Variants in TTC28 observed in about 807,000 individuals in gnomAD.
TTC28 encodes tetratricopeptide repeat domain 28.
Under a neutral mutation model 198.0 loss-of-function variants are expected in TTC28, and 61 were observed. That is an observed-to-expected ratio of 0.31 (90% CI 0.25 to 0.38). The LOEUF is 0.38. Ranked by LOEUF, TTC28 falls within the 10% of genes least tolerant of loss-of-function variation. The probability of loss-of-function intolerance (pLI) is 1.00; values close to 1 mark genes in which losing one functional copy is unlikely to be tolerated. For missense variants in TTC28, 2,678 were observed against 3,164.0 expected, an observed-to-expected ratio of 0.85 and a Z score of 3.69; for synonymous variants, 1,171 against 1,297.8, an observed-to-expected ratio of 0.90 and a Z score of 2.10.
chr22:28,427,206 T>A (rs1251252042), intron 2 of TTC28, among the ~76,000 whole-genome samples: 1 of 152,240 alleles, frequency 6.6e-6, no homozygotes, highest in Non-Finnish European at 1.5e-5. Flanking sequence ...TATGTCACAT[T>A]TTAGTAACAT....
intron 2 of TTC28, among the ~76,000 whole-genome samples, chr22:28,592,862 C>A (rs1264408127): frequency 6.6e-6 from 1 of 152,156 alleles, no homozygotes; most frequent in Admixed American, 6.6e-5. Context: ...TAGGACACAG[C>A]AATTTTTCCA....
At chr22:28,020,637 T>G (rs1049491903) in intron 13 of TTC28, among the ~76,000 whole-genome samples, 1 of 152,186 alleles carries the variant, frequency 6.6e-6, no homozygotes, top group African/African-American at 2.4e-5. Flanking sequence ...CACACTCCTT[T>G]GGGCAGTCTG....
At chr22:28,320,061 C>G (rs2045420302) in intron 2 of TTC28, among the ~76,000 whole-genome samples, 1 of 152,010 alleles carries the variant, frequency 6.6e-6, no homozygotes. Context: ...TGTTTTTTTC[C>G]TAATCCACCA....
intron 2 of TTC28, among the ~76,000 whole-genome samples, chr22:28,358,882 T>C (rs1055359949): frequency 6.6e-6 from 1 of 152,200 alleles, no homozygotes; most frequent in Non-Finnish European, 1.5e-5. Flanking sequence ...TTCTTTGCTC[T>C]GTCCTTCTTT....
chr22:28,679,457 G>A (rs1156340122), intron 1 of TTC28, among the ~76,000 whole-genome samples, 165 bp downstream of exon 1: 19 of 152,270 alleles, frequency 1.2e-4, no homozygotes, highest in Non-Finnish European at 1.5e-5. Flanking sequence ...CCAGGCAGGC[G>A]GCGGACCAGG....
chr22:28,594,227 T>G (rs1186073830), intron 2 of TTC28, among the ~76,000 whole-genome samples: 5 of 150,122 alleles, frequency 3.3e-5, no homozygotes, highest in Non-Finnish European at 7.4e-5. Context: ...AGACCTATAA[T>G]TAAATAAATA....
chr22:28,609,315 C>T (rs112957019), intron 2 of TTC28, among the ~76,000 whole-genome samples: 2,949 of 152,290 alleles, frequency 0.019, 30 homozygotes, highest in Non-Finnish European at 0.025. Flanking sequence ...GGAACAGCTA[C>T]GGTCTGCAGC....
At chr22:28,226,883 G>A (rs1199992411) in intron 5 of TTC28, among the ~76,000 whole-genome samples, 1 of 152,040 alleles carries the variant, frequency 6.6e-6, no homozygotes, top group Non-Finnish European at 1.5e-5. Flanking sequence ...TTTTGATGAA[G>A]TCCAGTTTCT....
intron 9 of TTC28, among the ~76,000 whole-genome samples, chr22:28,099,556 T>C (rs1370296399): frequency 6.6e-6 from 1 of 152,150 alleles, no homozygotes; most frequent in African/African-American, 2.4e-5. Flanking sequence ...TGACACCAGG[T>C]AGGTCCTTGT....
Position 27,982,353 on chromosome 22 carries a change from G to C in TTC28, c.7314C>G (p.Thr2438=). ...APPNGHWRTE[T]TSLGSLPLPA... is the part of the protein sequence containing the mutation. ...GCAGCGGCAGTGAGCCCAGCGAGGT[G>C]GTCTCGGTGCGCCAGTGTCCGTTGG... is the stretch of plus-strand genomic sequence containing the variant. The change falls in exon 23 of 23, where the codon ACC becomes ACG. Residue 2438 remains threonine, a synonymous_variant. Transcript: ENST00000397906. This position sits in a 1 kb window ranked among gnomAD's most constrained non-coding sequence, Gnocchi z 5.2. 1 of 1,548,448 alleles carries C rather than the reference G, an allele frequency of 6.5e-7. No homozygotes were observed. Among genetic ancestry groups the C allele is most frequent in the Non-Finnish European group, 8.7e-7 (1 of 1,145,068 alleles).
intron 6 of TTC28, among the ~76,000 whole-genome samples, chr22:28,119,459 CAG>C (rs1942726659): frequency 6.6e-6 from 1 of 152,208 alleles, no homozygotes; most frequent in African/African-American, 2.4e-5. Flanking sequence ...CACCTAAGGA[CAG>C]TGCAAAACTG....
intron 2 of TTC28, among the ~76,000 whole-genome samples, chr22:28,389,291 G>T (rs2046673198): frequency 6.6e-6 from 1 of 152,074 alleles, no homozygotes; most frequent in South Asian, 2.1e-4. Context: ...AAGGATATTG[G>T]TCTAAAATTC....
Position 28,603,035 on chromosome 22 carries a change from C to T in TTC28, c.381+26517G>A, listed in dbSNP as rs1425983189. ...AGCTGGGATTACAGGCGTGCACCACCACTCCAAGCTAATTTTTGTATTTTT... is the reference window on the plus strand; with the variant it reads ...AGCTGGGATTACAGGCGTGCACCACTACTCCAAGCTAATTTTTGTATTTTT... On this transcript the variant is annotated intron_variant, in intron 2 of 22. Coordinates refer to ENST00000397906, the MANE Select transcript of TTC28 (RefSeq NM_001145418.2). 2.0e-5 allele frequency among the ~76,000 whole-genome samples: 3 copies of T among 152,214 alleles called. No individual in the cohort carries two copies. The East Asian group carries it at 5.8e-4, about 30-fold the overall frequency.
chr22:28,185,929 T>G (rs1924151645), intron 5 of TTC28, among the ~76,000 whole-genome samples: 1 of 152,122 alleles, frequency 6.6e-6, no homozygotes, highest in Non-Finnish European at 1.5e-5. Context: ...TTCCATCATA[T>G]TGCACTCCTT....
At chr22:28,459,395 C>T (rs1366725143) in intron 2 of TTC28, among the ~76,000 whole-genome samples, 2 of 151,978 alleles carry the variant, frequency 1.3e-5, no homozygotes, top group African/African-American at 4.8e-5. Context: ...GGCACGACTG[C>T]ACTCCAGCCT....
chr22:28,371,949 C>A (rs977558878), intron 2 of TTC28, among the ~76,000 whole-genome samples: 3 of 151,168 alleles, frequency 2.0e-5, no homozygotes, highest in Non-Finnish European at 4.4e-5. Flanking sequence ...ATTAGCCAGA[C>A]GTGGTGGTGT....
Position 28,154,776 on chromosome 22 carries a change from A to T in TTC28, c.1441+8316T>A, listed in dbSNP as rs8138779. ...AAATCTAAAGACTTTAAATCATTTT[A>T]AATTATTTTATTATAAAACAAATAA... On this transcript the variant is annotated intron_variant, in intron 6 of 22. Coordinates refer to ENST00000397906, the MANE Select transcript of TTC28 (RefSeq NM_001145418.2). Among the ~76,000 whole-genome samples the T allele has an allele frequency of 1.0e-3, 154 of 152,368 alleles. 1 individual carries two copies. The highest frequency in any genetic ancestry group is 3.5e-3 in the African/African-American group (146 of 41,588).
chr22:28,148,924 C>T (rs993173560), intron 6 of TTC28, among the ~76,000 whole-genome samples: 1 of 152,120 alleles, frequency 6.6e-6, no homozygotes, highest in Non-Finnish European at 1.5e-5. Context: ...AGTTATAAGT[C>T]CTAGCACTTC....
At chr22:28,165,105 A>C (rs1019824190) in intron 5 of TTC28, among the ~76,000 whole-genome samples, 4 of 152,236 alleles carry the variant, frequency 2.6e-5, no homozygotes, top group Non-Finnish European at 5.9e-5. Flanking sequence ...GAATGAAATG[A>C]AGTGAGAAGA....
Sources: gnomAD v4.1 joint callset for allele counts (sites outside exome capture counted in the v4.1 genomes callset) on GRCh38, gnomAD v4.1.1 for gene constraint, Gnocchi (gnomAD v3.1) non-coding constraint, MANE v1.5 for transcripts, NCBI Gene and HGNC (gene_info 2026-07-23, HGNC 2026-07-21) for gene names.